The following DENND4C variants were observed in gnomAD, a reference collection of about 807,000 sequenced individuals.
The protein encoded by DENND4C is DENN domain-containing protein 4C.
DENND4C carries 108 observed loss-of-function variants against 203.0 expected under a neutral mutation model. The ratio of observed to expected loss-of-function variants is 0.53; its 90% CI spans 0.46 to 0.62. DENND4C has a LOEUF of 0.62. Among genes scored for constraint, DENND4C ranks in the 20% least tolerant of loss-of-function variants. DENND4C has a pLI of 0.00. For synonymous variants in DENND4C, 871 were observed against 792.4 expected (o/e 1.10, Z -1.67); for missense variants, 2,481 against 2,301.2 (o/e 1.08, Z -1.60).
intron 26 of DENND4C, among the ~76,000 whole-genome samples, 178 bp from the exon 27 acceptor site, chr9:19,356,794 A>T (rs866225184): frequency 3.7e-4 from 55 of 150,676 alleles, no homozygotes; most frequent in South Asian, 8.5e-4. Context: ...TGTGTGAGAG[A>T]GAGAGAGAGA....
intron 12 of DENND4C, among the ~76,000 whole-genome samples, chr9:19,321,521 A>G (rs995252909): frequency 5.3e-5 from 8 of 151,428 alleles, no homozygotes; most frequent in Admixed American, 1.3e-4. Context: ...TTTTAGATGG[A>G]AAAAAGAGAC....
At chr9:19,349,356 C>T (rs1165482898) in intron 23 of DENND4C, among the ~76,000 whole-genome samples, 3 of 151,808 alleles carry the variant, frequency 2.0e-5, no homozygotes, top group East Asian at 1.9e-4. Flanking sequence ...CGCAGTGAGC[C>T]GAGATCACAC....
chr9:19,319,117 C>G (rs1842332167), intron 12 of DENND4C, among the ~76,000 whole-genome samples: 1 of 149,622 alleles, frequency 6.7e-6, no homozygotes, highest in South Asian at 2.1e-4. Context: ...TGCGGTGAGC[C>G]AAGATCACTG....
At chr9:19,291,079 A>G (rs74969005) in intron 5 of DENND4C, among the ~76,000 whole-genome samples, 3,202 of 152,298 alleles carry the variant, frequency 0.021, 119 homozygotes, top group African/African-American at 0.072. Context: ...ACAGAAGCAA[A>G]GATAAAGTCT....
chr9:19,246,434 AATT>A (rs564315507), intron 1 of DENND4C, among the ~76,000 whole-genome samples: 26 of 152,234 alleles, frequency 1.7e-4, no homozygotes, highest in African/African-American at 5.3e-4. Context: ...TTTTTTAGAA[AATT>A]ATTATTATTT....
At chr9:19,276,929 A>G (rs76730848) in intron 2 of DENND4C, among the ~76,000 whole-genome samples, 18 of 152,008 alleles carry the variant, frequency 1.2e-4, no homozygotes, top group Middle Eastern at 6.8e-3. Flanking sequence ...GTGGCTTTCA[A>G]TGCTGGGAGG....
intron 2 of DENND4C, among the ~76,000 whole-genome samples, chr9:19,284,628 T>G (rs1834828710): frequency 1.3e-5 from 2 of 152,154 alleles, no homozygotes; most frequent in African/African-American, 2.4e-5. Context: ...TCTGACATAT[T>G]TTTTGTCAAT....
intron 16 of DENND4C, among the ~76,000 whole-genome samples, chr9:19,328,665 A>ATCTATCTG (rs1563808544): frequency 8.9e-6 from 1 of 112,198 alleles, no homozygotes; most frequent in Non-Finnish European, 1.9e-5. Context: ...CTGTCTATCT[A>ATCTATCTG]TCTATCTATC....
intron 5 of DENND4C, among the ~76,000 whole-genome samples, chr9:19,293,435 T>A (rs1028464273): frequency 1.0e-4 from 15 of 149,450 alleles, no homozygotes; most frequent in African/African-American, 3.7e-4. Flanking sequence ...GATTGATTGT[T>A]GGGAGAAGGG....
In DENND4C at chr9:19,372,297, C is replaced by T; in HGVS notation, c.*124C>T. 1 of 1,167,908 alleles carries T rather than the reference C, an allele frequency of 8.6e-7. No homozygotes were observed. Among genetic ancestry groups the T allele is most frequent in the South Asian group, 1.7e-5 (1 of 59,784 alleles). The allele number at this position is 1,167,908 out of a possible 1,614,324, so 72.3% of individuals were successfully genotyped here. A position where few individuals can be genotyped will look rare whatever the true frequency, so the allele number is the denominator to read the frequency against. On this transcript the variant is annotated 3_prime_UTR_variant, in exon 33 of 33. Coordinates refer to ENST00000434457, the MANE Select transcript of DENND4C (RefSeq NM_001330640.2). Reference sequence around the variant, plus strand: ...ACGGAATTGAAGTAACTCTTGGGGACAATATATAATGAATTATGATTCATA... The same window carrying T: ...ACGGAATTGAAGTAACTCTTGGGGATAATATATAATGAATTATGATTCATA...
chr9:19,347,113 G>A, intron 23 of DENND4C, 27 bp downstream of exon 23: 1 of 1,571,244 alleles, frequency 6.4e-7, no homozygotes, highest in Non-Finnish European at 8.7e-7. Flanking sequence ...TGTGTAGTCT[G>A]TCTGCTATTG....
At position 19,358,623 on chromosome 9, in the gene DENND4C, G is replaced by A. The variant is rs1436292924; in HGVS notation, c.5160+463G>A. On this transcript the variant is annotated intron_variant, in intron 28 of 32. Coordinates refer to ENST00000434457, the MANE Select transcript of DENND4C (RefSeq NM_001330640.2). The surrounding 1 kb of genome is among the most constrained non-coding windows in gnomAD (Gnocchi z 4.8). Reference sequence around the variant, plus strand: ...TCTCAAAAATGTCAAATGCATATGTGTGCTTGTGTATGTGTGGGTTGTAGT... The same window carrying A: ...TCTCAAAAATGTCAAATGCATATGTATGCTTGTGTATGTGTGGGTTGTAGT... 6.6e-6 allele frequency among the ~76,000 whole-genome samples: 1 copy of A among 151,816 alleles called. No individual in the cohort carries two copies. The highest frequency in any genetic ancestry group is 1.5e-5 in the Non-Finnish European group (1 of 68,014).
chr9:19,286,125 A>G (rs1170221573), intron 2 of DENND4C, among the ~76,000 whole-genome samples: 1 of 152,172 alleles, frequency 6.6e-6, no homozygotes. Flanking sequence ...TTAGATAGGA[A>G]TTGCATTGAC....
intron 31 of DENND4C, 98 bp downstream of exon 31, chr9:19,370,085 A>C: frequency 7.2e-7 from 1 of 1,394,394 alleles, no homozygotes; most frequent in Non-Finnish European, 1.0e-6. Context: ...TCGAAGAAAC[A>C]CATACTCATT....
chr9:19,341,170 T>C (rs1821540864), intron 21 of DENND4C, 56 bp downstream of exon 21: 1 of 1,377,064 alleles, frequency 7.3e-7, no homozygotes, highest in African/African-American at 1.5e-5. Context: ...TTATTAATAA[T>C]TAAAAGTTTA....
At chr9:19,337,808 C>A (rs914500394) in intron 20 of DENND4C, 1 of 354,108 alleles carries the variant, frequency 2.8e-6, no homozygotes, top group South Asian at 2.4e-5. Flanking sequence ...TAAATGTAAT[C>A]ATATATAGAC....
intron 1 of DENND4C, among the ~76,000 whole-genome samples, chr9:19,243,405 C>T (rs1453750745): frequency 6.6e-6 from 1 of 152,176 alleles, no homozygotes; most frequent in African/African-American, 2.4e-5. Flanking sequence ...ATATGTAATT[C>T]AGTGGTGTTC....
chr9:19,257,918 T>C (rs923109230), intron 1 of DENND4C, among the ~76,000 whole-genome samples: 2 of 151,396 alleles, frequency 1.3e-5, no homozygotes, highest in Admixed American at 6.6e-5. Context: ...AGCCCAGGAG[T>C]TTTAGACCAG....
intron 1 of DENND4C, among the ~76,000 whole-genome samples, chr9:19,234,009 TGTA>T (rs1821241887): frequency 6.6e-6 from 1 of 152,236 alleles, no homozygotes; most frequent in African/African-American, 2.4e-5. Context: ...ACTTCTATAA[TGTA>T]GTAGTATAAT....
Sources: allele counts gnomAD v4.1 joint callset (sites outside exome capture counted in the v4.1 genomes callset), GRCh38; gene constraint gnomAD v4.1.1; non-coding constraint Gnocchi (gnomAD v3.1); transcripts MANE v1.5; gene names NCBI Gene and HGNC (gene_info 2026-07-23, HGNC 2026-07-21).